Variants in SCN11A observed in about 807,000 individuals in gnomAD.
SCN11A encodes the protein sodium voltage-gated channel alpha subunit 11.
SCN11A carries 122 observed loss-of-function variants against 162.2 expected under a neutral mutation model. The observed-to-expected ratio is 0.75, with a 90% CI of 0.65 to 0.87. The LOEUF (loss-of-function observed/expected upper bound fraction) is 0.87. SCN11A is among the 40% of genes least tolerant of loss of function. The pLI, the probability that SCN11A is intolerant of heterozygous loss-of-function variation, is 0.00. For missense variants in SCN11A, 2,015 were observed against 2,181.6 expected (o/e 0.92, Z 1.52); for synonymous variants, 758 against 751.5 (o/e 1.01, Z -0.14).
At chr3:38,965,136 G>A (rs1429478667) in intron 2 of SCN11A, among the ~76,000 whole-genome samples, 1 of 152,182 alleles carries the variant, frequency 6.6e-6, no homozygotes, top group East Asian at 1.9e-4. Flanking sequence ...TTCCTCCAGG[G>A]TTCTAATGGA....
intron 25 of SCN11A, 101 bp from the exon 26 acceptor site, chr3:38,870,845 T>A: frequency 1.1e-6 from 1 of 933,280 alleles, no homozygotes; most frequent in Non-Finnish European, 1.7e-6. Flanking sequence ...GCTGAATATA[T>A]AAGATGATAC....
chr3:39,015,923 G>A (rs1041363950), intron 2 of SCN11A, among the ~76,000 whole-genome samples: 1 of 152,256 alleles, frequency 6.6e-6, no homozygotes, highest in East Asian at 1.9e-4. Flanking sequence ...TTTTAGTAGA[G>A]ACATGGTTTC....
intron 2 of SCN11A, among the ~76,000 whole-genome samples, chr3:39,013,504 G>A (rs774595640): frequency 5.3e-5 from 8 of 151,480 alleles, no homozygotes; most frequent in Admixed American, 2.0e-4. Context: ...GTCAGCTGAC[G>A]TAAGATCTTG....
At chr3:38,854,437 C>G (rs1439055356) in intron 28 of SCN11A, among the ~76,000 whole-genome samples, 1 of 152,140 alleles carries the variant, frequency 6.6e-6, no homozygotes, top group South Asian at 2.1e-4. Flanking sequence ...ACATTTTAAA[C>G]TCATCAAAAT....
chr3:39,029,991 C>A (rs891498721), intron 2 of SCN11A, among the ~76,000 whole-genome samples: 1 of 152,184 alleles, frequency 6.6e-6, no homozygotes, highest in Non-Finnish European at 1.5e-5. Flanking sequence ...TGTAATTTTT[C>A]TTCCATTTCC....
rs987665295 is a variant in SCN11A at position 39,033,811 on chromosome 3, T to C, written c.-403-1308A>G. 2.0e-5 allele frequency among the ~76,000 whole-genome samples: 3 copies of C among 152,278 alleles called. No individual in the cohort carries two copies. In the East Asian group the frequency reaches 5.8e-4, roughly 29 times the overall value. ...TTTTCTTGTTATTGCCTAAACAATA[T>C]AGTAGAACTACTATTTACATAGCAT... On this transcript the variant is annotated intron_variant, in intron 1 of 29. Transcript: ENST00000302328.
intron 14 of SCN11A, among the ~76,000 whole-genome samples, chr3:38,907,397 C>A (rs1460706664): frequency 6.9e-6 from 1 of 145,586 alleles, no homozygotes. Context: ...CACTTTGATG[C>A]CCTTACTTTG....
At chr3:38,982,424 T>C (rs1211797934) in intron 2 of SCN11A, among the ~76,000 whole-genome samples, 2 of 152,184 alleles carry the variant, frequency 1.3e-5, no homozygotes, top group Non-Finnish European at 2.9e-5. Flanking sequence ...TTTTTCTTAA[T>C]GGTTTAATGG....
At chr3:38,972,626 G>A (rs761201420) in intron 2 of SCN11A, among the ~76,000 whole-genome samples, 13 of 151,006 alleles carry the variant, frequency 8.6e-5, no homozygotes, top group African/African-American at 2.2e-4. Context: ...ACACACACAC[G>A]CACACACTGA....
At chr3:38,883,486 C>G (rs188203089) in intron 21 of SCN11A, 99 bp from the exon 22 acceptor site, 1 of 1,112,928 alleles carries the variant, frequency 9.0e-7, no homozygotes, top group East Asian at 2.4e-5. Flanking sequence ...CCTTGCCATG[C>G]GACCTGCAGT....
At chr3:38,951,401 G>A (rs1402298468) in intron 4 of SCN11A, among the ~76,000 whole-genome samples, 2 of 152,254 alleles carry the variant, frequency 1.3e-5, no homozygotes, top group Non-Finnish European at 2.9e-5. Context: ...GGCAGGGCTT[G>A]GGACCTGCAG....
intron 7 of SCN11A, among the ~76,000 whole-genome samples, chr3:38,940,412 T>C (rs1465853566): frequency 3.3e-5 from 5 of 152,164 alleles, no homozygotes. Context: ...AAAAGGAACC[T>C]CTAGCACTCC....
intron 2 of SCN11A, among the ~76,000 whole-genome samples, chr3:39,032,173 A>G (rs2031776875): frequency 6.6e-6 from 1 of 152,234 alleles, no homozygotes; most frequent in Non-Finnish European, 1.5e-5. Flanking sequence ...TGCTCAAAAA[A>G]TTAGTTTATT....
chr3:38,921,062 G>T lies in SCN11A; in HGVS notation c.892+14C>A. 6.2e-7 allele frequency: 1 copy of T among 1,612,156 alleles called. No individual in the cohort carries two copies. The highest frequency in any genetic ancestry group is 1.7e-4 in the Middle Eastern group (1 of 6,044). On this transcript the variant is annotated intron_variant, in intron 10 of 29. Transcript: ENST00000302328. ...TGCAAAAACCAAGGAGTGAAAGAAA[G>T]GTTGGGTATTTACCATAAGCTTCCG...
At chr3:38,854,848 C>T (rs908144369) in intron 28 of SCN11A, among the ~76,000 whole-genome samples, 1 of 152,190 alleles carries the variant, frequency 6.6e-6, no homozygotes, top group Non-Finnish European at 1.5e-5. Context: ...TCCCAGTCTC[C>T]AGCTTGGGCC....
chr3:38,887,046 CT>C (rs1167140714), intron 19 of SCN11A, among the ~76,000 whole-genome samples: 1 of 152,142 alleles, frequency 6.6e-6, no homozygotes. Flanking sequence ...ACTGCCTTTC[CT>C]TTCCCATACT....
At chr3:39,015,543 C>A (rs2031268704) in intron 2 of SCN11A, among the ~76,000 whole-genome samples, 1 of 152,180 alleles carries the variant, frequency 6.6e-6, no homozygotes, top group African/African-American at 2.4e-5. Context: ...ACATTGGATA[C>A]AAACATTTGT....
rs1460026505 is a variant in SCN11A, at chr3:38,940,832, AT to A, written c.488+4578del. Among the ~76,000 whole-genome samples, 26 of 152,314 alleles carry A rather than the reference AT, an allele frequency of 1.7e-4. No homozygotes were observed. In the East Asian group the frequency reaches 5.0e-3, roughly 29 times the overall value. Reference sequence around the variant, plus strand: ...AAATTTAATAAAGGAAAAGAAAAAAATAATAAGCAAAATTAAGAGACCATTG... The same window carrying A: ...AAATTTAATAAAGGAAAAGAAAAAAAAATAAGCAAAATTAAGAGACCATTG... On this transcript the variant is annotated intron_variant, in intron 7 of 29. Coordinates refer to ENST00000302328, the MANE Select transcript of SCN11A (RefSeq NM_001349253.2).
chr3:38,901,320 T>C (rs1300198970), intron 16 of SCN11A, among the ~76,000 whole-genome samples: 5 of 152,154 alleles, frequency 3.3e-5, no homozygotes, highest in Non-Finnish European at 7.4e-5. Flanking sequence ...ATTTTCATAT[T>C]CCCCCTTTAA....
Sources: gnomAD v4.1 joint callset for allele counts (sites outside exome capture counted in the v4.1 genomes callset) on GRCh38, gnomAD v4.1.1 for gene constraint, MANE v1.5 for transcripts, NCBI Gene and HGNC (gene_info 2026-07-23, HGNC 2026-07-21) for gene names.